Variants in CAST observed in about 807,000 individuals in gnomAD.
CAST encodes the protein MIR583 host.
A neutral mutation model predicts 119.6 loss-of-function variants in CAST; 76 were observed. That is an observed-to-expected ratio of 0.64 (90% CI 0.53 to 0.77). CAST has a LOEUF of 0.77. Among genes scored for constraint, CAST ranks in the 30% least tolerant of loss-of-function variants. The pLI, the probability that CAST is intolerant of heterozygous loss-of-function variation, is 0.00. For missense variants in CAST, 953 were observed against 946.5 expected, an observed-to-expected ratio of 1.01 and a Z score of -0.09; for synonymous variants, 319 against 331.6, an observed-to-expected ratio of 0.96 and a Z score of 0.41.
intron 2 of CAST, 94 bp from the exon 3 acceptor site, chr5:96,695,742 C>A: frequency 1.3e-6 from 1 of 745,354 alleles, no homozygotes; most frequent in Non-Finnish European, 2.2e-6. Context: ...CTGATTTTTG[C>A]TTGAGAAAAT....
chr5:96,295,874 T>G, the CAST span, among the ~76,000 whole-genome samples: 3 of 152,200 alleles, frequency 2.0e-5, no homozygotes, highest in African/African-American at 7.2e-5. Context: ...GCATCATGTA[T>G]GCACACATAT....
At chr5:96,444,943 G>A in the CAST span, among the ~76,000 whole-genome samples, 1 of 152,160 alleles carries the variant, frequency 6.6e-6, no homozygotes, top group African/African-American at 2.4e-5. Context: ...GCAACTGTGA[G>A]TTTTGCTGCA....
chr5:96,545,448 A>G (rs1476633231), intron 1 of CAST: 1 of 152,232 alleles, frequency 6.6e-6, no homozygotes, highest in Non-Finnish European at 1.5e-5. Flanking sequence ...TAGGGCTGCC[A>G]GAATCATTAT....
upstream of CAST, among the ~76,000 whole-genome samples, chr5:96,522,450 A>T (rs972047867): frequency 1.3e-5 from 2 of 152,116 alleles, no homozygotes; most frequent in Non-Finnish European, 2.9e-5. Flanking sequence ...CTATTAACCA[A>T]TTTACAACAG....
chr5:96,344,361 GT>G, the CAST span, among the ~76,000 whole-genome samples: 3 of 151,950 alleles, frequency 2.0e-5, no homozygotes, highest in African/African-American at 7.2e-5. Context: ...TCCAAATATG[GT>G]TTTTTTTCTC....
chr5:96,238,366 C>CTTCTTCTTCATCTTCTT, the CAST span, among the ~76,000 whole-genome samples: 2 of 23,254 alleles, frequency 8.6e-5, no homozygotes, highest in East Asian at 4.0e-3. Context: ...TTCTTCTTCT[C>CTTCTTCTTCATCTTCTT]CTTCTTCTCC....
intron 3 of CAST, chr5:96,715,213 T>G (rs1756988082): frequency 6.6e-6 from 1 of 152,200 alleles, no homozygotes; most frequent in Admixed American, 6.5e-5. Context: ...CTTCAGTTTC[T>G]CCCTAGTAGT....
chr5:96,040,255 G>A, the CAST span, among the ~76,000 whole-genome samples: 1 of 152,186 alleles, frequency 6.6e-6, no homozygotes, highest in African/African-American at 2.4e-5. Context: ...TTGCTTATCA[G>A]CTTGAGGAGA....
At chr5:96,100,432 C>G in the CAST span, among the ~76,000 whole-genome samples, 1 of 152,184 alleles carries the variant, frequency 6.6e-6, no homozygotes, top group African/African-American at 2.4e-5. Context: ...TTTTAGCCCA[C>G]TGACTTACTG....
the CAST span, among the ~76,000 whole-genome samples, chr5:96,168,723 G>C: frequency 2.6e-5 from 4 of 152,136 alleles, no homozygotes; most frequent in African/African-American, 4.8e-5. Flanking sequence ...GAGAGATACA[G>C]TCATGGGGGT....
the CAST span, among the ~76,000 whole-genome samples, chr5:96,459,007 G>A: frequency 6.6e-6 from 1 of 152,062 alleles, no homozygotes; most frequent in Admixed American, 6.5e-5. Flanking sequence ...TGGTTTGAAG[G>A]TAGAGACTAA....
chr5:96,066,443 T>C, the CAST span, among the ~76,000 whole-genome samples: 1 of 151,902 alleles, frequency 6.6e-6, no homozygotes, highest in African/African-American at 2.4e-5. Flanking sequence ...CCTATTTCTT[T>C]CCATTTTTAA....
chr5:96,052,020 G>T, the CAST span, among the ~76,000 whole-genome samples: 49 of 152,216 alleles, frequency 3.2e-4, no homozygotes, highest in Admixed American at 1.4e-3. Flanking sequence ...CTCATGAGGG[G>T]GCGAGGGATA....
the CAST span, among the ~76,000 whole-genome samples, chr5:96,230,447 T>C: frequency 6.6e-6 from 1 of 152,176 alleles, no homozygotes; most frequent in Non-Finnish European, 1.5e-5. Flanking sequence ...AATTAAATAC[T>C]TGAAACTTCC....
the CAST span, among the ~76,000 whole-genome samples, chr5:96,113,024 C>T: frequency 6.6e-6 from 1 of 152,156 alleles, no homozygotes; most frequent in Non-Finnish European, 1.5e-5. Flanking sequence ...TAGAATCCTC[C>T]TTGGTTTCTC....
intron 6 of CAST, chr5:96,728,553 T>G (rs1182200802): frequency 6.6e-6 from 1 of 151,834 alleles, no homozygotes; most frequent in Non-Finnish European, 1.5e-5. Context: ...CTTGGCTCAC[T>G]GCAAGCTCCG....
the CAST span, among the ~76,000 whole-genome samples, chr5:95,971,490 A>C: frequency 6.6e-6 from 1 of 152,218 alleles, no homozygotes. Flanking sequence ...TAATTTACAT[A>C]CAGTAAAATT....
chr5:96,461,075 A>G, the CAST span, among the ~76,000 whole-genome samples: 324 of 152,236 alleles, frequency 2.1e-3, no homozygotes, highest in African/African-American at 7.5e-3. Context: ...TTCTGTCTAG[A>G]GACACTGGAG....
At chr5:96,108,880 C>T in the CAST span, among the ~76,000 whole-genome samples, 9 of 152,222 alleles carry the variant, frequency 5.9e-5, no homozygotes, top group South Asian at 6.2e-4. Flanking sequence ...AGCGAGACTC[C>T]GTGGGCATAG....
Sources: allele counts gnomAD v4.1 joint callset (sites outside exome capture counted in the v4.1 genomes callset), GRCh38; gene constraint gnomAD v4.1.1; transcripts MANE v1.5; gene names NCBI Gene and HGNC (gene_info 2026-07-23, HGNC 2026-07-21).